Variants in GABRB2 observed in about 807,000 individuals in gnomAD.
The protein encoded by GABRB2 is gamma-aminobutyric acid type A receptor subunit beta2, also known as gamma-aminobutyric acid receptor subunit beta-2.
In GABRB2, 16 loss-of-function variants were observed where a neutral mutation model predicts 54.7. The ratio of observed to expected loss-of-function variants is 0.29; its 90% CI spans 0.20 to 0.44. The LOEUF (loss-of-function observed/expected upper bound fraction) is 0.44, where lower values mean the gene tolerates loss of function less well. GABRB2 is among the 20% of genes least tolerant of loss of function. The probability of loss-of-function intolerance (pLI) is 1.00; values close to 1 mark genes in which losing one functional copy is unlikely to be tolerated. For synonymous variants in GABRB2, 244 were observed against 233.8 expected (o/e 1.04, Z -0.40); for missense variants, 355 against 644.0 (o/e 0.55, Z 4.86).
intron 4 of GABRB2, 58 bp downstream of exon 4, chr5:161,459,566 G>A: frequency 1.5e-6 from 2 of 1,374,960 alleles, no homozygotes; most frequent in South Asian, 2.4e-5. Flanking sequence ...TCCATCCAAT[G>A]AAAATTAACA....
chr5:161,338,980 A>C (rs2113412187), intron 5 of GABRB2, among the ~76,000 whole-genome samples: 1 of 152,228 alleles, frequency 6.6e-6, no homozygotes, highest in African/African-American at 2.4e-5. Flanking sequence ...CTATGATTTC[A>C]ACTTTCCTAA....
At chr5:161,451,653 A>G (rs1354796109) in intron 4 of GABRB2, among the ~76,000 whole-genome samples, 2 of 152,202 alleles carry the variant, frequency 1.3e-5, no homozygotes, top group African/African-American at 4.8e-5. Flanking sequence ...ATCCTATATT[A>G]GATCAAGAAA....
chr5:161,341,937 TTATATA>T (rs1237952955), intron 5 of GABRB2, among the ~76,000 whole-genome samples: 89 of 75,694 alleles, frequency 1.2e-3, no homozygotes, highest in Non-Finnish European at 1.7e-3. Context: ...ATTTTTTCTT[TTATATA>T]TATATATATA....
intron 4 of GABRB2, among the ~76,000 whole-genome samples, chr5:161,423,947 A>C (rs781592308): frequency 2.0e-5 from 3 of 152,138 alleles, no homozygotes; most frequent in Non-Finnish European, 2.9e-5. Flanking sequence ...AGTGCTCTGG[A>C]TGGAAGATCA....
chr5:161,350,395 C>T (rs1343550255), intron 5 of GABRB2, among the ~76,000 whole-genome samples: 1 of 151,954 alleles, frequency 6.6e-6, no homozygotes, highest in Non-Finnish European at 1.5e-5. Flanking sequence ...TGTACACTAA[C>T]AACAAAGTAA....
At chr5:161,498,185 G>T (rs1236843844) in intron 3 of GABRB2, among the ~76,000 whole-genome samples, 1 of 152,024 alleles carries the variant, frequency 6.6e-6, no homozygotes, top group Non-Finnish European at 1.5e-5. Flanking sequence ...AAGAGAAAGG[G>T]GACTGACATG....
intron 3 of GABRB2, among the ~76,000 whole-genome samples, chr5:161,475,969 G>C (rs1035240506): frequency 6.6e-6 from 1 of 151,900 alleles, no homozygotes; most frequent in African/African-American, 2.4e-5. Flanking sequence ...GGAATGAAAA[G>C]ACATCCTAAT....
chr5:161,514,578 C>T (rs991357197), intron 3 of GABRB2, among the ~76,000 whole-genome samples: 2 of 150,482 alleles, frequency 1.3e-5, no homozygotes, highest in Admixed American at 6.6e-5. Context: ...AGTATATATA[C>T]GTGTGTGTGT....
intron 5 of GABRB2, among the ~76,000 whole-genome samples, chr5:161,380,631 G>GAA (rs34717840): frequency 8.1e-5 from 12 of 147,478 alleles, no homozygotes; most frequent in Non-Finnish European, 1.5e-4. Context: ...ATGCTCTTGT[G>GAA]AAAAAAAAAA....
chr5:161,392,271 G>A (rs1381475203), intron 5 of GABRB2, among the ~76,000 whole-genome samples: 3 of 152,168 alleles, frequency 2.0e-5, no homozygotes, highest in Non-Finnish European at 2.9e-5. Flanking sequence ...CTAGGACCTT[G>A]ACAGAAGTAC....
intron 5 of GABRB2, among the ~76,000 whole-genome samples, chr5:161,380,782 CTG>C (rs1755441153): frequency 6.6e-6 from 1 of 151,794 alleles, no homozygotes; most frequent in Non-Finnish European, 1.5e-5. Context: ...GAATGAAAGA[CTG>C]TATAGTGAGG....
At chr5:161,340,004 G>C (rs563964663) in intron 5 of GABRB2, among the ~76,000 whole-genome samples, 2 of 151,840 alleles carry the variant, frequency 1.3e-5, no homozygotes, top group African/African-American at 4.8e-5. Flanking sequence ...GAAGAGAAAA[G>C]AAAAATGAAA....
chr5:161,487,202 T>C (rs1758952597), intron 3 of GABRB2, among the ~76,000 whole-genome samples: 1 of 151,942 alleles, frequency 6.6e-6, no homozygotes. Flanking sequence ...GACAAGCCAA[T>C]CAGGAAAATC....
intron 3 of GABRB2, among the ~76,000 whole-genome samples, chr5:161,541,182 T>TC (rs1760801492): frequency 6.6e-6 from 1 of 151,004 alleles, no homozygotes; most frequent in Non-Finnish European, 1.5e-5. Context: ...TTTTTTTTTT[T>TC]CTGAGCACTA....
intron 9 of GABRB2, among the ~76,000 whole-genome samples, chr5:161,308,497 A>G (rs1757766850): frequency 6.6e-6 from 1 of 152,250 alleles, no homozygotes; most frequent in Non-Finnish European, 1.5e-5. Context: ...AGAACTAGAA[A>G]AAACTATCCA....
intron 5 of GABRB2, among the ~76,000 whole-genome samples, chr5:161,360,257 A>C (rs1387021444): frequency 6.6e-6 from 1 of 152,330 alleles, no homozygotes; most frequent in East Asian, 1.9e-4. Flanking sequence ...ACTGATTCCC[A>C]GTCTGGGATA....
In GABRB2 at chr5:161,407,649, T is replaced by A. The variant is rs1306590818; in HGVS notation, c.541+3326A>T. Among the ~76,000 whole-genome samples, 3 of 152,122 alleles carry A rather than the reference T, an allele frequency of 2.0e-5. No individual in the cohort carries two copies. The East Asian group carries it at 5.8e-4, about 30-fold the overall frequency. On this transcript the variant is annotated intron_variant, in intron 5 of 9. Transcript: ENST00000393959. Reference sequence around the variant, plus strand: ...ATTTCCCTAGAAAAATAGGCAGTATTCCAGTGTCCCTTTCCCAACCTGTAC... The same window carrying A: ...ATTTCCCTAGAAAAATAGGCAGTATACCAGTGTCCCTTTCCCAACCTGTAC...
chr5:161,489,326 C>T (rs1759028385), intron 3 of GABRB2, among the ~76,000 whole-genome samples: 1 of 151,612 alleles, frequency 6.6e-6, no homozygotes, highest in South Asian at 2.1e-4. Flanking sequence ...ATAAATGAGG[C>T]AGATAATAAT....
At chr5:161,477,099 C>A (rs527467467) in intron 3 of GABRB2, among the ~76,000 whole-genome samples, 6 of 151,556 alleles carry the variant, frequency 4.0e-5, no homozygotes, top group Admixed American at 6.6e-5. Context: ...GAACAAACAA[C>A]GTGATTAAAA....
Sources: allele counts gnomAD v4.1 joint callset (sites outside exome capture counted in the v4.1 genomes callset), GRCh38; gene constraint gnomAD v4.1.1; transcripts MANE v1.5; gene names NCBI Gene and HGNC (gene_info 2026-07-23, HGNC 2026-07-21).